COL25A1: variants seen among roughly 807,000 people sequenced by gnomAD.
COL25A1 encodes the protein collagen alpha-1(XXV) chain.
COL25A1 carries 103 observed loss-of-function variants against 128.4 expected under a neutral mutation model. The observed-to-expected ratio is 0.80, with a 90% CI of 0.68 to 0.94. COL25A1 has a LOEUF of 0.94. Among genes scored for constraint, COL25A1 ranks in the 40% least tolerant of loss-of-function variants. The probability of loss-of-function intolerance (pLI) is 0.00; values close to 1 mark genes in which losing one functional copy is unlikely to be tolerated. For synonymous variants in COL25A1, 279 were observed against 277.2 expected (o/e 1.01, Z -0.06); for missense variants, 745 against 840.0 (o/e 0.89, Z 1.40).
Position 109,249,845 on chromosome 4 carries a change from T to A in COL25A1, c.367+50738A>T, listed in dbSNP as rs1441695681. Among the ~76,000 whole-genome samples the A allele has an allele frequency of 1.3e-5, 2 of 152,322 alleles. 1 individual carries two copies. The highest frequency in any genetic ancestry group is 3.9e-4 in the East Asian group (2 of 5,186). ...CTACTTACTTGAGATAATTCTAAAG[T>A]TATACTTACTTATAAATAATCTATA... On this transcript the variant is annotated intron_variant, in intron 3 of 37. Transcript: ENST00000399132.
At chr4:108,925,670 T>C (rs1260992730) in intron 11 of COL25A1, among the ~76,000 whole-genome samples, 1 of 152,188 alleles carries the variant, frequency 6.6e-6, no homozygotes, top group East Asian at 1.9e-4. Context: ...TCAGGTTTTT[T>C]TATTTTTTAA....
chr4:108,969,391 C>T (rs1404465356), intron 8 of COL25A1, among the ~76,000 whole-genome samples: 1 of 152,180 alleles, frequency 6.6e-6, no homozygotes, highest in Admixed American at 6.5e-5. Context: ...TTGAAGCAGG[C>T]TTCCTGCAAT....
At chr4:109,276,088 T>C (rs368774197) in intron 3 of COL25A1, among the ~76,000 whole-genome samples, 2 of 152,206 alleles carry the variant, frequency 1.3e-5, no homozygotes, top group Non-Finnish European at 2.9e-5. Flanking sequence ...ATGTTCTTAC[T>C]GGATGATAAA....
Position 108,932,607 on chromosome 4 carries a change from G to A in COL25A1, c.708+5201C>T, listed in dbSNP as rs1173210774. On this transcript the variant is annotated intron_variant, in intron 11 of 37. Coordinates refer to ENST00000399132, the MANE Select transcript of COL25A1 (RefSeq NM_198721.4). The stretch of plus-strand genomic sequence containing the variant: ...ATAAAGAGTTTCAGAACAGGAAAGT[G>A]ATTTGGTTTTTGAAACCTTGGATAT... 2.0e-5 allele frequency among the ~76,000 whole-genome samples: 3 copies of A among 152,158 alleles called. No homozygotes were observed. The East Asian group carries it at 5.8e-4, about 29-fold the overall frequency.
intron 3 of COL25A1, among the ~76,000 whole-genome samples, chr4:109,159,079 T>C (rs1772313960): frequency 1.3e-5 from 2 of 152,256 alleles, no homozygotes; most frequent in African/African-American, 4.8e-5. Flanking sequence ...TGTTACTATA[T>C]ATCAAGTAAA....
intron 5 of COL25A1, among the ~76,000 whole-genome samples, chr4:109,030,877 C>T (rs773070769): frequency 1.3e-4 from 20 of 152,126 alleles, no homozygotes; most frequent in Non-Finnish European, 2.2e-4. Flanking sequence ...CTCAGCCTCC[C>T]GAGTAGCTGG....
intron 3 of COL25A1, among the ~76,000 whole-genome samples, chr4:109,160,717 C>T (rs1406357519): frequency 6.6e-6 from 1 of 152,160 alleles, no homozygotes; most frequent in African/African-American, 2.4e-5. Context: ...ATGACCCACG[C>T]ACTGACCCCA....
At chr4:109,063,666 T>C (rs1391539882) in intron 3 of COL25A1, among the ~76,000 whole-genome samples, 1 of 152,020 alleles carries the variant, frequency 6.6e-6, no homozygotes, top group African/African-American at 2.4e-5. Context: ...CAGTGGGACC[T>C]TGTCTCTAAT....
At chr4:108,887,819 T>G (rs1016305110) in intron 18 of COL25A1, among the ~76,000 whole-genome samples, 3 of 152,156 alleles carry the variant, frequency 2.0e-5, no homozygotes, top group Non-Finnish European at 4.4e-5. Context: ...TTGTTTTGGT[T>G]TATTTTTTAG....
At chr4:108,891,953 G>C (rs1453586849) in intron 16 of COL25A1, among the ~76,000 whole-genome samples, 2 of 151,924 alleles carry the variant, frequency 1.3e-5, no homozygotes. Context: ...GTGGAAATCT[G>C]AGCAGTTCCA....
At chr4:108,851,456 A>G (rs1041773338) in intron 26 of COL25A1, among the ~76,000 whole-genome samples, 1 of 152,188 alleles carries the variant, frequency 6.6e-6, no homozygotes, top group Non-Finnish European at 1.5e-5. Context: ...GTTATGACAG[A>G]CTTAGCAAAT....
intron 3 of COL25A1, among the ~76,000 whole-genome samples, chr4:109,054,429 C>A (rs1354996523): frequency 6.6e-6 from 1 of 152,302 alleles, no homozygotes; most frequent in East Asian, 1.9e-4. Context: ...TTACATTATA[C>A]TAAACAAGTG....
At chr4:108,865,684 G>A (rs1169680871) in intron 20 of COL25A1, among the ~76,000 whole-genome samples, 2 of 152,114 alleles carry the variant, frequency 1.3e-5, no homozygotes, top group East Asian at 3.8e-4. Flanking sequence ...AGTCCACTAT[G>A]AAAAACAAAA....
At chr4:108,860,874 C>A (rs1737122439) in intron 23 of COL25A1, 53 bp downstream of exon 23, 1 of 1,492,150 alleles carries the variant, frequency 6.7e-7, no homozygotes, top group South Asian at 1.1e-5. Context: ...GACATGAATT[C>A]AAATCTGGGA....
At chr4:109,209,944 G>A (rs28698832) in intron 3 of COL25A1, among the ~76,000 whole-genome samples, 46,434 of 151,614 alleles carry the variant, frequency 0.31, 9,128 homozygotes, top group African/African-American at 0.56. Context: ...CCAGCTATTC[G>A]GGAGGCTGAG....
chr4:109,241,540 T>G (rs969729306), intron 3 of COL25A1, among the ~76,000 whole-genome samples: 1 of 151,794 alleles, frequency 6.6e-6, no homozygotes, highest in Non-Finnish European at 1.5e-5. Flanking sequence ...TACACCCTCA[T>G]TAAATCACCT....
chr4:109,097,703 G>A (rs559730011), intron 3 of COL25A1, among the ~76,000 whole-genome samples: 183 of 131,720 alleles, frequency 1.4e-3, no homozygotes, highest in Non-Finnish European at 2.2e-3. Flanking sequence ...TTGCACTGTC[G>A]CCCAGGCTGG....
intron 3 of COL25A1, among the ~76,000 whole-genome samples, chr4:109,257,257 A>T (rs1781143073): frequency 6.6e-6 from 1 of 152,196 alleles, no homozygotes; most frequent in Non-Finnish European, 1.5e-5. Context: ...ATAAATTTTC[A>T]CCCTCAATCT....
intron 19 of COL25A1, among the ~76,000 whole-genome samples, chr4:108,883,400 G>A (rs552214612): frequency 6.6e-6 from 1 of 152,014 alleles, no homozygotes; most frequent in Non-Finnish European, 1.5e-5. Flanking sequence ...AACAACAAAA[G>A]AAAATGTATT....
Sources: gnomAD v4.1 joint callset for allele counts (sites outside exome capture counted in the v4.1 genomes callset) on GRCh38, gnomAD v4.1.1 for gene constraint, MANE v1.5 for transcripts, NCBI Gene and HGNC (gene_info 2026-07-23, HGNC 2026-07-21) for gene names.